The following PATJ variants were observed in gnomAD, a reference collection of about 807,000 sequenced individuals.
PATJ encodes the protein inaD-like protein.
PATJ carries 190 observed loss-of-function variants against 224.9 expected under a neutral mutation model. The observed-to-expected ratio is 0.84, with a 90% CI of 0.75 to 0.95. The LOEUF (loss-of-function observed/expected upper bound fraction) is 0.95. Among genes scored for constraint, PATJ ranks in the 40% least tolerant of loss-of-function variants. The pLI, the probability that PATJ is intolerant of heterozygous loss-of-function variation, is 0.00. For missense variants in PATJ, 2,121 were observed against 2,270.3 expected (o/e 0.93, Z 1.34); for synonymous variants, 769 against 820.3 (o/e 0.94, Z 1.07).
chr1:61,911,302 C>T (rs112779308), intron 25 of PATJ, among the ~76,000 whole-genome samples: 8,625 of 152,220 alleles, frequency 0.057, 310 homozygotes, highest in Non-Finnish European at 0.076. Flanking sequence ...CAACCTCCGC[C>T]ACCCGGATTC....
At chr1:61,810,267 T>C (rs1482546632) in intron 14 of PATJ, among the ~76,000 whole-genome samples, 1 of 152,166 alleles carries the variant, frequency 6.6e-6, no homozygotes, top group Non-Finnish European at 1.5e-5. Flanking sequence ...TTTCCTCAGA[T>C]GTACAAAATC....
rs564301537 is a variant in PATJ at position 61,906,089 on chromosome 1, G to C, written c.3382-2283G>C. ...CCAGGGTTCCCACATCCCTCCCCTTGAATTTTGTTAATTTACTAGGGCAGC... is the reference window on the plus strand; with the variant it reads ...CCAGGGTTCCCACATCCCTCCCCTTCAATTTTGTTAATTTACTAGGGCAGC... On this transcript the variant is annotated intron_variant, in intron 24 of 43. Coordinates refer to ENST00000642238, the MANE Select transcript of PATJ (RefSeq NM_001350145.3). Among the ~76,000 whole-genome samples, 10 of 152,210 alleles carry C rather than the reference G, an allele frequency of 6.6e-5. No homozygotes were observed. The East Asian group carries it at 1.9e-3, about 29-fold the overall frequency.
intron 31 of PATJ, among the ~76,000 whole-genome samples, chr1:62,072,073 TA>T (rs540392592): frequency 2.1e-4 from 32 of 149,066 alleles, no homozygotes; most frequent in Non-Finnish European, 2.7e-4. Flanking sequence ...ATGTGCCTAT[TA>T]AAAAAAAAAT....
intron 29 of PATJ, among the ~76,000 whole-genome samples, chr1:62,030,920 G>A (rs7553347): frequency 0.11 from 17,276 of 152,084 alleles, 1,109 homozygotes; most frequent in South Asian, 0.16. Flanking sequence ...TTCTCCTGTA[G>A]GTGAACATTT....
chr1:61,784,699 A>C (rs1400218485), intron 7 of PATJ, among the ~76,000 whole-genome samples: 1 of 152,174 alleles, frequency 6.6e-6, no homozygotes, highest in Non-Finnish European at 1.5e-5. Context: ...TCTGTTGAAG[A>C]ATAGTTTGAT....
At chr1:61,753,270 A>G (rs1645431971) in intron 1 of PATJ, among the ~76,000 whole-genome samples, 1 of 152,152 alleles carries the variant, frequency 6.6e-6, no homozygotes, top group African/African-American at 2.4e-5. Context: ...TGAGCTCTGG[A>G]AAATTCCCAC....
At chr1:62,108,809 T>C (rs1458486027) in intron 34 of PATJ, among the ~76,000 whole-genome samples, 1 of 152,172 alleles carries the variant, frequency 6.6e-6, no homozygotes, top group Non-Finnish European at 1.5e-5. Flanking sequence ...TTGCAAATTT[T>C]TTGCCTCTCC....
intron 41 of PATJ, among the ~76,000 whole-genome samples, chr1:62,131,870 T>C (rs1570735020): frequency 1.2e-5 from 1 of 82,426 alleles, no homozygotes; most frequent in South Asian, 4.5e-4. Context: ...GAATGAATTA[T>C]TATTTTTTTT....
chr1:61,865,178 A>G (rs1251290429), intron 20 of PATJ: 2 of 150,494 alleles, frequency 1.3e-5, no homozygotes, highest in African/African-American at 4.9e-5. Flanking sequence ...GTGTATATAT[A>G]TACGTGTATA....
rs558514339 is a variant in PATJ, at chr1:61,955,725, A to G, written c.3670+27896A>G. ...ACACACATTGTTTTCTTCAACACAT[A>G]TAATGTTATGAGTTTTTTGAAGTCT... On this transcript the variant is annotated intron_variant, in intron 27 of 43. Coordinates refer to ENST00000642238, the MANE Select transcript of PATJ (RefSeq NM_001350145.3). Among the ~76,000 whole-genome samples the G allele has an allele frequency of 5.3e-5, 8 of 152,322 alleles. No individual in the cohort carries two copies. The East Asian group carries it at 7.7e-4, about 15-fold the overall frequency.
intron 37 of PATJ, among the ~76,000 whole-genome samples, chr1:62,119,565 C>A (rs1664822473): frequency 6.6e-6 from 1 of 152,142 alleles, no homozygotes; most frequent in Non-Finnish European, 1.5e-5. Context: ...GAAGAAATTT[C>A]CTTACTCCAC....
intron 29 of PATJ, among the ~76,000 whole-genome samples, chr1:62,036,809 C>T (rs1446316931): frequency 4.8e-5 from 6 of 124,772 alleles, no homozygotes; most frequent in African/African-American, 1.8e-4. Flanking sequence ...GAGGTGGAGG[C>T]TGCAGTGAGC....
At chr1:62,024,247 T>G (rs1647332333) in intron 29 of PATJ, among the ~76,000 whole-genome samples, 1 of 152,256 alleles carries the variant, frequency 6.6e-6, no homozygotes, top group East Asian at 1.9e-4. Flanking sequence ...CCTCCTTGAT[T>G]TTTTTGGAAT....
At chr1:61,742,818 G>C (rs935391091) in intron 1 of PATJ, among the ~76,000 whole-genome samples, 6 of 150,328 alleles carry the variant, frequency 4.0e-5, no homozygotes, top group African/African-American at 1.5e-4. Context: ...CCGTCCTCCT[G>C]CGTCGGGCCC....
chr1:61,761,413 G>A (rs1334037135), intron 1 of PATJ, among the ~76,000 whole-genome samples: 1 of 152,106 alleles, frequency 6.6e-6, no homozygotes, highest in African/African-American at 2.4e-5. Context: ...ACCCTTCTAA[G>A]TTTTCGGTTG....
chr1:61,999,637 C>T (rs113041486), intron 28 of PATJ, among the ~76,000 whole-genome samples: 5,537 of 152,098 alleles, frequency 0.036, 255 homozygotes, highest in African/African-American at 0.1. Context: ...CGTTGCACTC[C>T]AGCCTGGGTG....
rs529443905 is a variant in PATJ at position 62,002,552 on chromosome 1, C to CA, written c.3867+12195dup. On this transcript the variant is annotated intron_variant, in intron 28 of 43. Coordinates refer to ENST00000642238, the MANE Select transcript of PATJ (RefSeq NM_001350145.3). ...TGAAACCCTGTCTCTACCAGAAATACAAAAAAATTAGCCGGGTGTGGTAGT... is the reference window on the plus strand; with the variant it reads ...TGAAACCCTGTCTCTACCAGAAATACAAAAAAAATTAGCCGGGTGTGGTAGT... 1.3e-4 allele frequency among the ~76,000 whole-genome samples: 19 copies of CA among 151,704 alleles called. No homozygotes were observed. The South Asian group carries it at 3.3e-3, about 27-fold the overall frequency.
intron 33 of PATJ, among the ~76,000 whole-genome samples, chr1:62,106,158 G>GTATATGTATATATA (rs1662999540): frequency 2.1e-5 from 1 of 48,064 alleles, no homozygotes; most frequent in African/African-American, 7.1e-5. Flanking sequence ...GTGTGTGTGT[G>GTATATGTATATATA]TATATATATA....
rs185979568 is a variant in PATJ at position 62,019,199 on chromosome 1, C to T, written c.3959+1252C>T. ...GGCAGAGGCTGCAGTGAGCTGAGATCGCACCATTGCACTCCAGCCTGGACG... is the reference window on the plus strand; with the variant it reads ...GGCAGAGGCTGCAGTGAGCTGAGATTGCACCATTGCACTCCAGCCTGGACG... On this transcript the variant is annotated intron_variant, in intron 29 of 43. Coordinates refer to ENST00000642238, the MANE Select transcript of PATJ (RefSeq NM_001350145.3). Among the ~76,000 whole-genome samples the T allele has an allele frequency of 2.2e-4, 33 of 148,932 alleles. No homozygotes were observed. The East Asian group carries it at 5.9e-3, about 27-fold the overall frequency.
Sources: allele counts gnomAD v4.1 joint callset (sites outside exome capture counted in the v4.1 genomes callset), GRCh38; gene constraint gnomAD v4.1.1; transcripts MANE v1.5; gene names NCBI Gene and HGNC (gene_info 2026-07-23, HGNC 2026-07-21).